The following SAMMSON variants were observed in gnomAD, a reference collection of about 807,000 sequenced individuals.
SAMMSON encodes the protein long intergenic non-protein coding RNA 1212.
chr3:70,419,252 C>G (rs1173071632), intron 2 of SAMMSON, among the ~76,000 whole-genome samples: 1 of 151,796 alleles, frequency 6.6e-6, no homozygotes, highest in Non-Finnish European at 1.5e-5. Flanking sequence ...AGGCTGGTCT[C>G]GAACTCCTGG....
chr3:70,346,150 T>C (rs567887092), intron 7 of SAMMSON, among the ~76,000 whole-genome samples: 3 of 152,244 alleles, frequency 2.0e-5, no homozygotes, highest in African/African-American at 7.2e-5. Context: ...ATTGATATCA[T>C]TAATTTTTTT....
At chr3:70,063,933 T>C (rs1393912542) in intron 3 of SAMMSON, among the ~76,000 whole-genome samples, 2 of 152,078 alleles carry the variant, frequency 1.3e-5, no homozygotes, top group Non-Finnish European at 1.5e-5. Context: ...GGCCACTGTC[T>C]ACAGTAAATC....
intron 3 of SAMMSON, among the ~76,000 whole-genome samples, chr3:70,027,960 C>A (rs2067047615): frequency 6.6e-6 from 1 of 152,080 alleles, no homozygotes; most frequent in Admixed American, 6.5e-5. Flanking sequence ...ATTTAAAAGG[C>A]CTTTGCAACA....
At chr3:70,421,899 C>T (rs947864209) in intron 2 of SAMMSON, among the ~76,000 whole-genome samples, 6 of 151,774 alleles carry the variant, frequency 4.0e-5, no homozygotes, top group African/African-American at 7.3e-5. Flanking sequence ...CTGAGGGCTA[C>T]GTTGATTAAA....
chr3:70,089,221 T>A (rs1225527109), intron 4 of SAMMSON, among the ~76,000 whole-genome samples: 1 of 152,142 alleles, frequency 6.6e-6, no homozygotes, highest in Non-Finnish European at 1.5e-5. Context: ...ATAGAAGAGT[T>A]TTACTAAAGT....
At chr3:70,337,145 TTATTAATAATAATATCTAACTTAATATAA>T (rs1553656717) in intron 7 of SAMMSON, among the ~76,000 whole-genome samples, 2 of 67,730 alleles carry the variant, frequency 3.0e-5, no homozygotes, top group African/African-American at 5.0e-5. Context: ...CTTAATATTA[TTATTAATAATAATATCTAACTTAATATAA>T]TATTAATAAT....
chr3:70,329,573 A>T (rs902256085), intron 7 of SAMMSON, among the ~76,000 whole-genome samples: 1 of 152,012 alleles, frequency 6.6e-6, no homozygotes, highest in Non-Finnish European at 1.5e-5. Flanking sequence ...CCACACAGAA[A>T]TTTTTCTGTT....
At chr3:70,195,804 A>T (rs1448692917) in intron 4 of SAMMSON, among the ~76,000 whole-genome samples, 2 of 152,250 alleles carry the variant, frequency 1.3e-5, no homozygotes, top group Admixed American at 1.3e-4. Context: ...AGTAAAGAAC[A>T]TTCCAAAGTA....
intron 7 of SAMMSON, among the ~76,000 whole-genome samples, chr3:70,294,892 A>G (rs1235100452): frequency 3.3e-5 from 5 of 152,136 alleles, no homozygotes; most frequent in African/African-American, 4.8e-5. Flanking sequence ...TTTGTGAACC[A>G]TCTTAAAGGA....
rs910613957 is a variant in SAMMSON, at chr3:70,302,160, A to G, written n.739+10917A>G. On this transcript the variant is annotated intron_variant and non_coding_transcript_variant, in intron 7 of 9. Transcript: ENST00000642114. ...TGCTTTTCATCTTTGCTGCACATTTACTTCTCGACAGGCTTAAATAATGGC... is the reference window on the plus strand; with the variant it reads ...TGCTTTTCATCTTTGCTGCACATTTGCTTCTCGACAGGCTTAAATAATGGC... Among the ~76,000 whole-genome samples, 11 of 152,240 alleles carry G rather than the reference A, an allele frequency of 7.2e-5. No homozygotes were observed. The East Asian group carries it at 9.6e-4, about 13-fold the overall frequency.
intron 3 of SAMMSON, among the ~76,000 whole-genome samples, chr3:70,043,551 T>C (rs1342399784): frequency 6.6e-6 from 1 of 152,134 alleles, no homozygotes; most frequent in Non-Finnish European, 1.5e-5. Flanking sequence ...GTCGCTCTTA[T>C]GTACATTTTC....
At chr3:70,075,429 T>C (rs1434175686) in intron 4 of SAMMSON, 1 of 152,156 alleles carries the variant, frequency 6.6e-6, no homozygotes, top group Non-Finnish European at 1.5e-5. Flanking sequence ...TTTAGGAGTC[T>C]GTTGAAAATT....
chr3:70,414,278 G>C (rs550852948), intron 2 of SAMMSON, among the ~76,000 whole-genome samples: 1 of 151,884 alleles, frequency 6.6e-6, no homozygotes, highest in African/African-American at 2.4e-5. Context: ...ACAACCTCTG[G>C]CCCATTTCTT....
intron 4 of SAMMSON, among the ~76,000 whole-genome samples, chr3:70,177,228 C>A (rs1559528629): frequency 6.6e-6 from 1 of 152,174 alleles, no homozygotes; most frequent in East Asian, 1.9e-4. Context: ...TCAGCTTTTA[C>A]TGGAACAATT....
intron 6 of SAMMSON, among the ~76,000 whole-genome samples, chr3:70,286,304 A>G (rs1247458427): frequency 6.6e-6 from 1 of 152,186 alleles, no homozygotes; most frequent in Non-Finnish European, 1.5e-5. Context: ...AGCACCGTTT[A>G]TTAAATAGGG....
intron 4 of SAMMSON, among the ~76,000 whole-genome samples, chr3:70,184,737 T>A (rs560654412): frequency 6.6e-6 from 1 of 152,204 alleles, no homozygotes; most frequent in Non-Finnish European, 1.5e-5. Context: ...TGCCAGCCCT[T>A]GCTAGACTAA....
intron 9 of SAMMSON, among the ~76,000 whole-genome samples, chr3:70,370,362 T>C (rs1369356467): frequency 2.0e-5 from 3 of 152,100 alleles, no homozygotes; most frequent in African/African-American, 7.2e-5. Context: ...TAGTTCTATT[T>C]TTAATTTTTC....
intron 4 of SAMMSON, among the ~76,000 whole-genome samples, chr3:70,228,336 A>T (rs1017888937): frequency 2.0e-5 from 3 of 152,134 alleles, no homozygotes; most frequent in African/African-American, 7.2e-5. Context: ...TCTTTAATCA[A>T]AGTTTCATTT....
intron 9 of SAMMSON, among the ~76,000 whole-genome samples, chr3:70,378,908 C>G (rs1703042426): frequency 6.6e-6 from 1 of 151,964 alleles, no homozygotes; most frequent in African/African-American, 2.4e-5. Context: ...TAGGATATTC[C>G]ATTAAGTGAA....
Sources: allele counts gnomAD v4.1 joint callset (sites outside exome capture counted in the v4.1 genomes callset), GRCh38; gene constraint gnomAD v4.1.1; transcripts MANE v1.5; gene names NCBI Gene and HGNC (gene_info 2026-07-23, HGNC 2026-07-21).